The following ETV3L variants were observed in gnomAD, a reference collection of about 807,000 sequenced individuals.
The protein encoded by ETV3L is ETS variant transcription factor 3 like, also known as ETS translocation variant 3-like protein.
In ETV3L, 30 loss-of-function variants were observed where a neutral mutation model predicts 27.6. That is an observed-to-expected ratio of 1.09 (90% CI 0.81 to 1.48). ETV3L has a LOEUF of 1.48. Ranked by LOEUF, ETV3L falls within the 40% of genes most tolerant of loss-of-function variation. The pLI is 0.00. For missense variants in ETV3L, 443 were observed against 455.6 expected, an observed-to-expected ratio of 0.97 and a Z score of 0.25; for synonymous variants, 186 against 188.9, an observed-to-expected ratio of 0.98 and a Z score of 0.12.
Position 157,095,451 on chromosome 1 carries a change from G to T in ETV3L, c.608-2324C>A, listed in dbSNP as rs1674200740. ...AGCATCCCTTAGGGCCAAAGCATAG[G>T]CAGGGCATGTGTGTTTGCCTGCAGA... On this transcript the variant is annotated intron_variant, in intron 4 of 4. Coordinates refer to ENST00000454449, the MANE Select transcript of ETV3L (RefSeq NM_001004341.2). Among the ~76,000 whole-genome samples the T allele has an allele frequency of 2.0e-5, 3 of 152,084 alleles. No homozygotes were observed. In the South Asian group the frequency reaches 6.2e-4, roughly 32 times the overall value.
rs538953999 is a variant in ETV3L, at chr1:157,092,585, C to T, written c.*64G>A. 5.5e-5 allele frequency: 76 copies of T among 1,383,382 alleles called. No homozygotes were observed. In the African/African-American group the frequency reaches 7.6e-4, roughly 14 times the overall value. The allele number at this position is 1,383,382 out of a possible 1,614,324, so 85.7% of individuals were successfully genotyped here. A position where few individuals can be genotyped will look rare whatever the true frequency, so the allele number is the denominator to read the frequency against. ...CCAGGGGAAGGGGCTAACCCAGAGG[C>T]GGTGGGCAAGAGGAGAGATGGACTT... On this transcript the variant is annotated 3_prime_UTR_variant, in exon 5 of 5. Coordinates refer to ENST00000454449, the MANE Select transcript of ETV3L (RefSeq NM_001004341.2).
chr1:157,099,096 C>A, intron 2 of ETV3L, 45 bp downstream of exon 2: 1 of 1,608,740 alleles, frequency 6.2e-7, no homozygotes, highest in Non-Finnish European at 8.5e-7. Context: ...CGGCCCTTTT[C>A]CTTGAAATCC....
At chr1:157,094,149 A>C (rs1295338422) in intron 4 of ETV3L, among the ~76,000 whole-genome samples, 1 of 152,232 alleles carries the variant, frequency 6.6e-6, no homozygotes, top group Non-Finnish European at 1.5e-5. Context: ...AAGGGCCTCC[A>C]GTCTAGCCGG....
In ETV3L at chr1:157,092,171, C is replaced by A; in HGVS notation, c.*478G>T. Reference sequence around the variant, plus strand: ...GAGAGGAGGAAGTGCCTGCATGGGACAGGGGTTTCCAGGGTCTCAGAAATC... The same window carrying A: ...GAGAGGAGGAAGTGCCTGCATGGGAAAGGGGTTTCCAGGGTCTCAGAAATC... On this transcript the variant is annotated 3_prime_UTR_variant, in exon 5 of 5. Transcript: ENST00000454449. The A allele has an allele frequency of 6.3e-6, 1 of 158,380 alleles. No homozygotes were observed. Among genetic ancestry groups the A allele is most frequent in the Non-Finnish European group, 1.4e-5 (1 of 71,832 alleles). The allele number at this position is 158,380 out of a possible 1,614,324, so 9.8% of individuals were successfully genotyped here. A position where few individuals can be genotyped will look rare whatever the true frequency, so the allele number is the denominator to read the frequency against.
chr1:157,093,277 A>G, intron 4 of ETV3L, 150 bp from the exon 5 acceptor site: 1 of 556,508 alleles, frequency 1.8e-6, no homozygotes, highest in South Asian at 3.9e-5. Context: ...TATTTTTTTG[A>G]GAGAGAGTCT....
intron 4 of ETV3L, among the ~76,000 whole-genome samples, chr1:157,094,154 A>T (rs773277742): frequency 7.9e-5 from 12 of 152,338 alleles, no homozygotes; most frequent in South Asian, 4.1e-4. Context: ...CCTCCAGTCT[A>T]GCCGGGCAAA....
At chr1:157,095,422 G>A (rs1029618704) in intron 4 of ETV3L, among the ~76,000 whole-genome samples, 1 of 152,126 alleles carries the variant, frequency 6.6e-6, no homozygotes, top group Non-Finnish European at 1.5e-5. Flanking sequence ...ACCTATACCT[G>A]CTTAGCATCC....
chr1:157,093,447 A>G (rs1674161111), intron 4 of ETV3L, among the ~76,000 whole-genome samples: 1 of 150,560 alleles, frequency 6.6e-6, no homozygotes, highest in South Asian at 2.1e-4. Flanking sequence ...CCATGTTGCC[A>G]GGCTTGCCCT....
Position 157,099,472 on chromosome 1 carries a change from TC to T in ETV3L, c.51del (p.Trp17Ter), listed in dbSNP as rs1238440502. On this transcript the variant is annotated frameshift_variant, in exon 1 of 5. Transcript: ENST00000454449. LOFTEE classifies it high-confidence loss of function. ...GCCCGGCCAAGAGGCTCACCTGAGATCCAGTTGCCGGGGTTGGCTGGGATGC... is the reference window on the plus strand; with the variant it reads ...GCCCGGCCAAGAGGCTCACCTGAGATCAGTTGCCGGGGTTGGCTGGGATGC... ...AEGIPANPGN[W>X]ISGLAFPDWA... 9 of 1,613,782 alleles carry T rather than the reference TC, an allele frequency of 5.6e-6. No individual in the cohort carries two copies. Among genetic ancestry groups the T allele is most frequent in the Non-Finnish European group, 7.6e-6 (9 of 1,179,902 alleles).
In ETV3L at chr1:157,093,094, C is replaced by A. The variant is rs937160996; in HGVS notation, c.641G>T (p.Gly214Val). The stretch of plus-strand genomic sequence containing the variant: ...GACGCTCCCCAAATGGCAGCAAAGG[C>A]CCAGCCGGCAGGGGCCTGGGGCAGA... ...LGSAPGPCRLGLCCHLGSVQG... is the reference protein window; with the variant it reads ...LGSAPGPCRLVLCCHLGSVQG... Residue 214 changes from glycine to valine, a missense_variant, in exon 5 of 5, where the codon GGC (glycine) becomes GTC (valine). Transcript: ENST00000454449. The A allele has an allele frequency of 6.8e-6, 10 of 1,472,360 alleles. No individual in the cohort carries two copies. The highest frequency in any genetic ancestry group is 2.4e-4 in the Middle Eastern group (1 of 4,096). 91.2% of individuals were successfully genotyped at this position (1,472,360 alleles called of 1,614,324 possible).
chr1:157,098,066 G>C, intron 3 of ETV3L, 78 bp from the exon 4 acceptor site: 2 of 1,453,774 alleles, frequency 1.4e-6, no homozygotes, highest in Non-Finnish European at 1.8e-6. Context: ...GGTACTGTTA[G>C]CCAGTTGCTA....
At chr1:157,098,393 G>C (rs974773139) in intron 3 of ETV3L, among the ~76,000 whole-genome samples, 6 of 152,032 alleles carry the variant, frequency 3.9e-5, no homozygotes, top group Admixed American at 6.5e-5. Context: ...ACCACGCCTG[G>C]CCTCTCATAC....
intron 4 of ETV3L, among the ~76,000 whole-genome samples, chr1:157,097,470 C>A (rs1188567255): frequency 2.5e-3 from 259 of 102,874 alleles, no homozygotes; most frequent in Admixed American, 3.1e-3. Context: ...GACTCCGTCT[C>A]AAAAAAAAAA....
At chr1:157,095,944 A>AT (rs1243049337) in intron 4 of ETV3L, among the ~76,000 whole-genome samples, 4 of 152,174 alleles carry the variant, frequency 2.6e-5, no homozygotes, top group African/African-American at 9.7e-5. Context: ...TTCACAGAAA[A>AT]TCTGATACTG....
chr1:157,096,205 A>G (rs1453647318), intron 4 of ETV3L, among the ~76,000 whole-genome samples: 1 of 152,118 alleles, frequency 6.6e-6, no homozygotes, highest in Non-Finnish European at 1.5e-5. Flanking sequence ...TGTCATCTCA[A>G]GTGTCACTTT....
At position 157,093,052 on chromosome 1, in the gene ETV3L, C is replaced by T. The variant is rs1330487592; in HGVS notation, c.683G>A (p.Gly228Asp). The change falls in exon 5 of 5, where the codon GGT becomes GAT. Residue 228 changes from glycine to aspartate, a missense_variant. Gly to Asp is a moderately conservative substitution (Grantham distance 94). Coordinates refer to ENST00000454449, the MANE Select transcript of ETV3L (RefSeq NM_001004341.2). ...HLGSVQGELP[G>D]VASFTPPLPP... ...GAGGGGAGGAGTGAAGGAGGCAACA[C>T]CAGGCAGCTCGCCTTGGACGCTCCC... The T allele has an allele frequency of 1.3e-6, 2 of 1,550,838 alleles. No homozygotes were observed. Among genetic ancestry groups the T allele is most frequent in the Non-Finnish European group, 1.7e-6 (2 of 1,148,836 alleles).
chr1:157,094,474 G>A (rs74116968), intron 4 of ETV3L, among the ~76,000 whole-genome samples: 1,533 of 152,336 alleles, frequency 0.01, 19 homozygotes, highest in African/African-American at 0.03. Flanking sequence ...CCTTGGAGAT[G>A]ACTATATAGA....
rs755177088 is a variant in ETV3L, at chr1:157,099,461, C to T, written c.58+5G>A. 2 of 1,613,840 alleles carry T rather than the reference C, an allele frequency of 1.2e-6. No homozygotes were observed. The highest frequency in any genetic ancestry group is 1.7e-5 in the Admixed American group (1 of 59,962). ...GCAGGGGGTAGGCCCGGCCAAGAGG[C>T]TCACCTGAGATCCAGTTGCCGGGGT... is the stretch of plus-strand genomic sequence containing the variant. On this transcript the variant is annotated splice_donor_5th_base_variant and intron_variant, in intron 1 of 4. Coordinates refer to ENST00000454449, the MANE Select transcript of ETV3L (RefSeq NM_001004341.2).
chr1:157,093,350 C>T (rs886790483), intron 4 of ETV3L, among the ~76,000 whole-genome samples: 6 of 152,196 alleles, frequency 3.9e-5, no homozygotes, highest in Non-Finnish European at 8.8e-5. Flanking sequence ...GATCCTCCCA[C>T]CTCAGCTTGC....
Sources: gnomAD v4.1 joint callset for allele counts (sites outside exome capture counted in the v4.1 genomes callset) on GRCh38, gnomAD v4.1.1 for gene constraint, MANE v1.5 for transcripts, NCBI Gene and HGNC (gene_info 2026-07-23, HGNC 2026-07-21) for gene names.